PTPN3: variants seen among roughly 807,000 people sequenced by gnomAD.
The protein encoded by PTPN3 is protein tyrosine phosphatase non-receptor type 3.
PTPN3 carries 96 observed loss-of-function variants against 132.7 expected under a neutral mutation model. That is an observed-to-expected ratio of 0.72 (90% CI 0.61 to 0.86). PTPN3 has a LOEUF of 0.86. Among genes scored for constraint, PTPN3 ranks in the 40% least tolerant of loss-of-function variants. The probability of loss-of-function intolerance (pLI) is 0.00; values close to 1 mark genes in which losing one functional copy is unlikely to be tolerated. For synonymous variants in PTPN3, 398 were observed against 429.0 expected (o/e 0.93, Z 0.89); for missense variants, 1,125 against 1,159.6 (o/e 0.97, Z 0.43).
chr9:109,384,943 G>A (rs1839445561), intron 22 of PTPN3, among the ~76,000 whole-genome samples: 4 of 152,172 alleles, frequency 2.6e-5, no homozygotes, highest in Admixed American at 6.5e-5. Context: ...CAGGTTAAGG[G>A]CTGTAGGGCC....
chr9:109,476,738 C>T (rs117663452), intron 1 of PTPN3, among the ~76,000 whole-genome samples: 1,807 of 152,300 alleles, frequency 0.012, 15 homozygotes, highest in Non-Finnish European at 0.02. Flanking sequence ...TAGTTTCCTC[C>T]CCTGTGAATA....
chr9:109,490,946 C>T (rs994908430), intron 1 of PTPN3, among the ~76,000 whole-genome samples: 7 of 151,062 alleles, frequency 4.6e-5, no homozygotes, highest in African/African-American at 1.7e-4. Flanking sequence ...GGCCTGTATC[C>T]CAGTACTTTG....
intron 7 of PTPN3, among the ~76,000 whole-genome samples, chr9:109,440,238 C>G (rs768990658): frequency 6.6e-6 from 1 of 152,194 alleles, no homozygotes; most frequent in African/African-American, 2.4e-5. Context: ...AAGGTTAGAC[C>G]AGAGGCTGTT....
rs1838619442 is a variant in PTPN3, at chr9:109,377,120, T to C, written c.*2436A>G. On this transcript the variant is annotated 3_prime_UTR_variant, in exon 26 of 26. Transcript: ENST00000374541. Reference sequence around the variant, plus strand: ...TGCATTTTTACCAAACAGTAATAACTTGCTAAATATCCTAATGGCATTTAA... The same window carrying C: ...TGCATTTTTACCAAACAGTAATAACCTGCTAAATATCCTAATGGCATTTAA... 6.6e-6 allele frequency: 1 copy of C among 152,224 alleles called. No individual in the cohort carries two copies. The highest frequency in any genetic ancestry group is 2.4e-5 in the African/African-American group (1 of 41,452). The allele number at this position is 152,224 out of a possible 1,614,324, so 9.4% of individuals were successfully genotyped here. A position where few individuals can be genotyped will look rare whatever the true frequency, so the allele number is the denominator to read the frequency against.
intron 1 of PTPN3, among the ~76,000 whole-genome samples, chr9:109,483,476 T>C (rs1847058949): frequency 6.6e-6 from 1 of 151,674 alleles, no homozygotes; most frequent in African/African-American, 2.4e-5. Context: ...AACTCACAAA[T>C]CAATCAGAGA....
chr9:109,436,883 C>G lies in PTPN3; in HGVS notation c.675G>C (p.Arg225Ser). The change falls in exon 9 of 26, where the codon AGG (arginine) becomes AGC (serine). Residue 225 changes from arginine to serine, a missense_variant and splice_region_variant. By Grantham distance (110) the Arg-to-Ser change is moderately radical. Transcript: ENST00000374541. ...DFYGVELHSG[R>S]DLHNLDLMIG... is the part of the protein sequence containing the mutation. ...GCCAAGACATAACAAGAATACATAC[C>G]CTACCACTGTGCAGTTCTACTCCAT... 6.2e-7 allele frequency: 1 copy of G among 1,613,194 alleles called. No individual in the cohort carries two copies. Among genetic ancestry groups the G allele is most frequent in the South Asian group, 1.1e-5 (1 of 90,938 alleles).
intron 13 of PTPN3, among the ~76,000 whole-genome samples, chr9:109,421,357 A>G (rs768251527): frequency 1.2e-4 from 19 of 152,180 alleles, no homozygotes; most frequent in Non-Finnish European, 2.4e-4. Context: ...TTTCCCTCAC[A>G]GTTTTTCCAT....
chr9:109,446,209 C>G (rs1409697949), intron 6 of PTPN3, among the ~76,000 whole-genome samples: 1 of 152,194 alleles, frequency 6.6e-6, no homozygotes, highest in Non-Finnish European at 1.5e-5. Flanking sequence ...TTAACAGCAA[C>G]ACTGGGAGCC....
chr9:109,483,600 A>G (rs929643673), intron 1 of PTPN3, among the ~76,000 whole-genome samples: 2 of 152,130 alleles, frequency 1.3e-5, no homozygotes, highest in African/African-American at 4.8e-5. Flanking sequence ...TAAGGAGGAT[A>G]TAACTGTGAA....
At chr9:109,454,757 A>C (rs1179030947) in intron 4 of PTPN3, among the ~76,000 whole-genome samples, 183 bp from the exon 5 acceptor site, 2 of 152,264 alleles carry the variant, frequency 1.3e-5, no homozygotes, top group African/African-American at 4.8e-5. Context: ...GTCTTCAAAA[A>C]GTAAAACATT....
At position 109,426,882 on chromosome 9, in the gene PTPN3, A is replaced by G; in HGVS notation, c.1001+68T>C. On this transcript the variant is annotated intron_variant, in intron 12 of 25. Transcript: ENST00000374541. The stretch of plus-strand genomic sequence containing the variant: ...CCTCCTCTGCCTAACAATGTCCTCT[A>G]TTCACTGATGACCAGGATGCATTTA... 4 of 1,485,760 alleles carry G rather than the reference A, an allele frequency of 2.7e-6. No homozygotes were observed. The South Asian group carries it at 4.9e-5, about 18-fold the overall frequency. The allele number at this position is 1,485,760 out of a possible 1,614,324, so 92.0% of individuals were successfully genotyped here.
intron 2 of PTPN3, among the ~76,000 whole-genome samples, chr9:109,462,846 C>T (rs374601916): frequency 1.3e-5 from 2 of 151,956 alleles, no homozygotes; most frequent in African/African-American, 2.4e-5. Context: ...GGAAACAACA[C>T]CCTTTCTATT....
chr9:109,533,583 G>A, the PTPN3 span: 1 of 1,590,446 alleles, frequency 6.3e-7, no homozygotes, highest in Admixed American at 1.7e-5. Context: ...CTTTGGCGAG[G>A]AGGGCCCCTG....
chr9:109,404,448 C>A lies in PTPN3; in HGVS notation c.1953G>T (p.Glu651Asp). Reference sequence around the variant, plus strand: ...GGATTCAGCCTCCAGAGGGTCTTACCTCAAACTGGATCAGCACCGTCCCGC... The same window carrying A: ...GGATTCAGCCTCCAGAGGGTCTTACATCAAACTGGATCAGCACCGTCCCGC... ...LESGTVLIQF[E>D]QLYRKKPGLA... The change falls in exon 19 of 26, where the codon GAG becomes GAT. Residue 651 changes from glutamate to aspartate, a missense_variant and splice_region_variant. Coordinates refer to ENST00000374541, the MANE Select transcript of PTPN3 (RefSeq NM_002829.4). 2 of 1,441,214 alleles carry A rather than the reference C, an allele frequency of 1.4e-6. No individual in the cohort carries two copies. Among genetic ancestry groups the A allele is most frequent in the East Asian group, 2.5e-5 (1 of 39,844 alleles). 89.3% of individuals were successfully genotyped at this position (1,441,214 alleles called of 1,614,324 possible). A position where few individuals can be genotyped will look rare whatever the true frequency, so the allele number is the denominator to read the frequency against.
At chr9:109,408,489 G>A (rs1841759688) in intron 16 of PTPN3, 112 bp from the exon 17 acceptor site, 2 of 711,752 alleles carry the variant, frequency 2.8e-6, no homozygotes, top group African/African-American at 3.6e-5. Flanking sequence ...CAATAAATGT[G>A]AGTCTTTGGT....
intron 6 of PTPN3, 108 bp downstream of exon 6, chr9:109,448,703 T>A: frequency 3.6e-6 from 4 of 1,113,564 alleles, no homozygotes; most frequent in Non-Finnish European, 5.3e-6. Flanking sequence ...GCTTTGCACA[T>A]CCACTCTGTT....
At chr9:109,396,050 C>T (rs1011053385) in intron 19 of PTPN3, among the ~76,000 whole-genome samples, 4 of 152,074 alleles carry the variant, frequency 2.6e-5, no homozygotes, top group Non-Finnish European at 5.9e-5. Flanking sequence ...TTAGTACAGA[C>T]TGGTTTTCAC....
the PTPN3 span, among the ~76,000 whole-genome samples, chr9:109,522,503 G>A: frequency 4.6e-5 from 7 of 152,306 alleles, no homozygotes; most frequent in East Asian, 1.3e-3. Context: ...CAACCTTGCA[G>A]CTATTACACT....
intron 19 of PTPN3, among the ~76,000 whole-genome samples, chr9:109,402,436 G>A (rs775312338): frequency 7.9e-5 from 12 of 151,840 alleles, no homozygotes; most frequent in South Asian, 2.1e-4. Context: ...CTGCCACCCC[G>A]CCTGGCTGAT....
Sources: gnomAD v4.1 joint callset for allele counts (sites outside exome capture counted in the v4.1 genomes callset) on GRCh38, gnomAD v4.1.1 for gene constraint, MANE v1.5 for transcripts, NCBI Gene and HGNC (gene_info 2026-07-23, HGNC 2026-07-21) for gene names.